Variants in DPP10 observed in about 807,000 individuals in gnomAD.
DPP10 encodes dipeptidyl peptidase like 10, also known as inactive dipeptidyl peptidase 10.
A neutral mutation model predicts 120.9 loss-of-function variants in DPP10; 33 were observed. The observed-to-expected ratio is 0.27, with a 90% CI of 0.21 to 0.37. DPP10 has a LOEUF of 0.37. Ranked by LOEUF, DPP10 falls within the 10% of genes least tolerant of loss-of-function variation. The pLI, the probability that DPP10 is intolerant of heterozygous loss-of-function variation, is 1.00. For missense variants in DPP10, 816 were observed against 942.8 expected (o/e 0.87, Z 1.76); for synonymous variants, 337 against 326.1 (o/e 1.03, Z -0.36).
intron 1 of DPP10, among the ~76,000 whole-genome samples, chr2:115,297,843 C>T (rs938234767): frequency 2.0e-5 from 3 of 152,024 alleles, no homozygotes; most frequent in African/African-American, 7.2e-5. Flanking sequence ...TGTTAGTAAT[C>T]CGTAGAGGCT....
chr2:115,108,416 C>T (rs990916705), intron 1 of DPP10, among the ~76,000 whole-genome samples: 4 of 152,160 alleles, frequency 2.6e-5, no homozygotes, highest in African/African-American at 4.8e-5. Context: ...CAAATTATTT[C>T]CTTGCTGAAT....
intron 1 of DPP10, among the ~76,000 whole-genome samples, chr2:114,630,451 C>T (rs1478805750): frequency 2.0e-5 from 3 of 152,064 alleles, no homozygotes; most frequent in Non-Finnish European, 4.4e-5. Flanking sequence ...AAATGAGAGT[C>T]GAGTTAATAG....
At chr2:114,864,109 G>T (rs930227180) in intron 1 of DPP10, among the ~76,000 whole-genome samples, 5 of 152,176 alleles carry the variant, frequency 3.3e-5, no homozygotes, top group Admixed American at 3.3e-4. Flanking sequence ...GAAACATAAT[G>T]GAGGAACAGA....
intron 17 of DPP10, among the ~76,000 whole-genome samples, chr2:115,787,054 C>T (rs924552235): frequency 6.6e-6 from 1 of 152,136 alleles, no homozygotes; most frequent in Non-Finnish European, 1.5e-5. Flanking sequence ...CTAAACTAGC[C>T]ATAGAGCAAA....
chr2:115,676,587 A>C lies in DPP10; in HGVS notation c.442-13100A>C, dbSNP rs1222284063. On this transcript the variant is annotated intron_variant, in intron 5 of 25. Transcript: ENST00000410059. The stretch of plus-strand genomic sequence containing the variant: ...AGTGCTTCATCAATAGACTAAATTA[A>C]GTAGAAGAAAGAATTTCTGAACTTA... 3.9e-5 allele frequency among the ~76,000 whole-genome samples: 6 copies of C among 152,184 alleles called. No individual in the cohort carries two copies. In the East Asian group the frequency reaches 9.6e-4, roughly 24 times the overall value.
intron 3 of DPP10, among the ~76,000 whole-genome samples, chr2:115,438,260 G>A (rs959386763): frequency 6.6e-6 from 1 of 152,098 alleles, no homozygotes; most frequent in Non-Finnish European, 1.5e-5. Context: ...GTGTTAACAA[G>A]GATGTGGAGA....
chr2:115,789,505 C>G (rs111946004), intron 17 of DPP10, among the ~76,000 whole-genome samples: 5 of 152,290 alleles, frequency 3.3e-5, no homozygotes, highest in African/African-American at 1.2e-4. Flanking sequence ...AAAAATACTA[C>G]AGCTGACATC....
chr2:115,001,729 C>T (rs1192332998), intron 1 of DPP10, among the ~76,000 whole-genome samples: 4 of 152,084 alleles, frequency 2.6e-5, no homozygotes, highest in Non-Finnish European at 5.9e-5. Flanking sequence ...CAATTCCAAA[C>T]ACTAGCAACA....
At chr2:114,875,729 A>G (rs1217057982) in intron 1 of DPP10, among the ~76,000 whole-genome samples, 1 of 152,176 alleles carries the variant, frequency 6.6e-6, no homozygotes, top group African/African-American at 2.4e-5. Context: ...TTGAATTACT[A>G]AAATCCTTGG....
intron 1 of DPP10, among the ~76,000 whole-genome samples, chr2:115,047,916 A>G (rs1705188294): frequency 1.3e-5 from 2 of 152,042 alleles, no homozygotes; most frequent in South Asian, 4.1e-4. Flanking sequence ...TTTGTCATGA[A>G]TTGTTCTCTC....
At chr2:115,485,450 C>T (rs1165736244) in intron 3 of DPP10, among the ~76,000 whole-genome samples, 1 of 152,028 alleles carries the variant, frequency 6.6e-6, no homozygotes, top group Non-Finnish European at 1.5e-5. Flanking sequence ...TCGTGCCCTT[C>T]ATTCTTGGGT....
rs1480367474 is a variant in DPP10 at position 115,731,368 on chromosome 2, A to T, written c.697+3432A>T. Among the ~76,000 whole-genome samples, 3 of 146,540 alleles carry T rather than the reference A, an allele frequency of 2.0e-5. No homozygotes were observed. The East Asian group carries it at 6.0e-4, about 30-fold the overall frequency. The stretch of plus-strand genomic sequence containing the variant: ...AGACTCTGTCTCAAAAAAAAAAAAA[A>T]TTTAACTGGGTGGGGTGGTGGGGTA... On this transcript the variant is annotated intron_variant, in intron 8 of 25. Transcript: ENST00000410059.
In DPP10 at chr2:114,723,088, A is replaced by G. The variant is rs145543133; in HGVS notation, c.60+280250A>G. On this transcript the variant is annotated intron_variant, in intron 1 of 25. Transcript: ENST00000410059. The stretch of plus-strand genomic sequence containing the variant: ...GGAAGTCAGACAAGTTCTGGCAGGG[A>G]CATTCCCTAGCTCTGTCCAACTAGT... Among the ~76,000 whole-genome samples, 10 of 152,298 alleles carry G rather than the reference A, an allele frequency of 6.6e-5. No homozygotes were observed. In the East Asian group the frequency reaches 1.9e-3, roughly 29 times the overall value.
At chr2:115,314,178 G>A (rs1488249737) in intron 2 of DPP10, among the ~76,000 whole-genome samples, 2 of 152,190 alleles carry the variant, frequency 1.3e-5, no homozygotes. Context: ...TCAGAATGCA[G>A]TTGATACAGG....
At chr2:115,466,195 C>G (rs1420754137) in intron 3 of DPP10, among the ~76,000 whole-genome samples, 1 of 152,122 alleles carries the variant, frequency 6.6e-6, no homozygotes, top group Non-Finnish European at 1.5e-5. Flanking sequence ...CCAGAGAAAT[C>G]CTGTCTCCCT....
intron 1 of DPP10, among the ~76,000 whole-genome samples, chr2:114,846,187 G>A (rs1308017763): frequency 6.6e-6 from 1 of 152,174 alleles, no homozygotes; most frequent in Non-Finnish European, 1.5e-5. Context: ...AAAAAAAACT[G>A]TTATAGTATA....
At chr2:115,212,232 T>G (rs2105358086) in intron 1 of DPP10, among the ~76,000 whole-genome samples, 1 of 152,258 alleles carries the variant, frequency 6.6e-6, no homozygotes, top group Middle Eastern at 3.4e-3. Flanking sequence ...TGCCTGAATC[T>G]GTTATGTCAT....
At chr2:115,110,227 T>C (rs570988454) in intron 1 of DPP10, among the ~76,000 whole-genome samples, 33 of 152,138 alleles carry the variant, frequency 2.2e-4, no homozygotes, top group Non-Finnish European at 4.3e-4. Flanking sequence ...ACGAGGAAAG[T>C]CTAAAAATTC....
At chr2:114,767,025 C>T (rs1233264062) in intron 1 of DPP10, among the ~76,000 whole-genome samples, 2 of 147,326 alleles carry the variant, frequency 1.4e-5, no homozygotes, top group Non-Finnish European at 3.0e-5. Flanking sequence ...TTTCCTAGAG[C>T]GAAACTAGTG....
Sources: allele counts gnomAD v4.1 joint callset (sites outside exome capture counted in the v4.1 genomes callset), GRCh38; gene constraint gnomAD v4.1.1; transcripts MANE v1.5; gene names NCBI Gene and HGNC (gene_info 2026-07-23, HGNC 2026-07-21).